Variants in DHX30 observed in about 807,000 individuals in gnomAD.
DHX30 encodes DExH-box helicase 30, also known as ATP-dependent RNA helicase DHX30.
A neutral mutation model predicts 116.9 loss-of-function variants in DHX30; 4 were observed. The observed-to-expected ratio is 0.03, with a 90% CI of 0.02 to 0.08. The LOEUF is 0.08. Among genes scored for constraint, DHX30 ranks in the 10% least tolerant of loss-of-function variants. The pLI is 1.00. For missense variants in DHX30, 871 were observed against 1,595.1 expected (o/e 0.55, Z 7.73); for synonymous variants, 697 against 651.7 (o/e 1.07, Z -1.06).
chr3:47,828,208 C>T (rs1395099254), intron 5 of DHX30, among the ~76,000 whole-genome samples: 1 of 151,738 alleles, frequency 6.6e-6, no homozygotes, highest in Admixed American at 6.6e-5. Context: ...GCCTGTAATC[C>T]CAGCACTTTA....
chr3:47,813,322 A>G (rs2035887184), intron 3 of DHX30, among the ~76,000 whole-genome samples: 1 of 152,162 alleles, frequency 6.6e-6, no homozygotes, highest in Non-Finnish European at 1.5e-5. Context: ...CCTGGGCGAA[A>G]CAGCGAGACT....
intron 6 of DHX30, among the ~76,000 whole-genome samples, chr3:47,838,254 A>G (rs1044992942): frequency 3.3e-5 from 5 of 152,182 alleles, no homozygotes; most frequent in African/African-American, 1.2e-4. Flanking sequence ...TCACGCGTCT[A>G]TTCTTAATAG....
intron 6 of DHX30, among the ~76,000 whole-genome samples, chr3:47,832,257 C>T (rs1246632836): frequency 6.6e-6 from 1 of 152,038 alleles, no homozygotes; most frequent in Non-Finnish European, 1.5e-5. Flanking sequence ...TTGGCACTGC[C>T]ATGCATTTCG....
In DHX30 at chr3:47,804,325, C is replaced by T. The variant is rs567901805; in HGVS notation, c.-122-1001C>T. 8.5e-5 allele frequency among the ~76,000 whole-genome samples: 13 copies of T among 152,240 alleles called. No individual in the cohort carries two copies. The South Asian group carries it at 1.9e-3, about 22-fold the overall frequency. On this transcript the variant is annotated intron_variant, in intron 1 of 21. Coordinates refer to ENST00000445061, the MANE Select transcript of DHX30 (RefSeq NM_138615.3). Reference sequence around the variant, plus strand: ...ATCCCAGCACTTTGGGAGGCCGAGGCGGGTGGATCACCTGAGGTCAGAAGT... The same window carrying T: ...ATCCCAGCACTTTGGGAGGCCGAGGTGGGTGGATCACCTGAGGTCAGAAGT...
intron 6 of DHX30, among the ~76,000 whole-genome samples, chr3:47,832,963 C>G (rs930566087): frequency 1.3e-5 from 1 of 77,356 alleles, no homozygotes; most frequent in East Asian, 3.7e-4. Context: ...TTTTTTTTTT[C>G]CTGTAGAGAT....
At position 47,809,234 on chromosome 3, in the gene DHX30, C is replaced by CTTTTTTTT. The variant is rs71070231; in HGVS notation, c.-27-1405_-27-1398dup. ...AGAAGGTGTCTATGGAATGTAACTT[C>CTTTTTTTT]TTTTTTTTTTTTTTTTTTTTTTTTT... On this transcript the variant is annotated intron_variant, in intron 2 of 21. Transcript: ENST00000445061. 5.4e-4 allele frequency among the ~76,000 whole-genome samples: 34 copies of CTTTTTTTT among 63,530 alleles called. 3 individuals carry two copies. The highest frequency in any genetic ancestry group is 6.0e-4 in the Non-Finnish European group (24 of 39,876). The allele number at this position is 63,530 out of a possible 152,430, so 41.7% of individuals were successfully genotyped here. A position where few individuals can be genotyped will look rare whatever the true frequency, so the allele number is the denominator to read the frequency against.
chr3:47,841,809 G>T (rs1389229131), intron 8 of DHX30, 72 bp downstream of exon 8: 1 of 1,607,484 alleles, frequency 6.2e-7, no homozygotes, highest in Non-Finnish European at 8.5e-7. Context: ...CTAAAGGCAG[G>T]TTTAGAGAGG....
Position 47,847,622 on chromosome 3 carries a change from G to A in DHX30, c.2110+86G>A, listed in dbSNP as rs1236964361. On this transcript the variant is annotated intron_variant, in intron 13 of 21. Transcript: ENST00000445061. The surrounding 1 kb of genome is among the most constrained non-coding windows in gnomAD (Gnocchi z 5.5). ...GACTGACCCAACTGGGACTCCAGGG[G>A]CCCCGGTTTCTGACCAAGCTGTGGC... 7.5e-6 allele frequency: 11 copies of A among 1,465,608 alleles called. No individual in the cohort carries two copies. Among genetic ancestry groups the A allele is most frequent in the African/African-American group, 1.4e-5 (1 of 70,744 alleles). The allele number at this position is 1,465,608 out of a possible 1,614,324, so 90.8% of individuals were successfully genotyped here. A position where few individuals can be genotyped will look rare whatever the true frequency, so the allele number is the denominator to read the frequency against.
intron 9 of DHX30, 51 bp from the exon 10 acceptor site, chr3:47,845,649 G>T: frequency 1.4e-6 from 2 of 1,465,702 alleles, no homozygotes; most frequent in Non-Finnish European, 9.1e-7. Flanking sequence ...GTCTGGGCTG[G>T]TTTTTGGGGA....
intron 3 of DHX30, chr3:47,816,098 G>T (rs1048135490): frequency 1.0e-6 from 1 of 985,096 alleles, no homozygotes; most frequent in Non-Finnish European, 1.2e-6. Context: ...AGTTCTAGAA[G>T]ATCCTACAAG....
chr3:47,818,717 C>T (rs2036164137), intron 4 of DHX30, among the ~76,000 whole-genome samples: 1 of 152,154 alleles, frequency 6.6e-6, no homozygotes, highest in South Asian at 2.1e-4. Context: ...AGGGATGGCG[C>T]CAGGGATAGG....
At chr3:47,825,171 C>T in intron 4 of DHX30, 1 of 666,204 alleles carries the variant, frequency 1.5e-6, no homozygotes, top group Non-Finnish European at 2.7e-6. Flanking sequence ...ACCCCGACCA[C>T]ACCAAGGAAG....
chr3:47,830,178 G>A (rs192068311), intron 6 of DHX30, among the ~76,000 whole-genome samples: 396 of 150,076 alleles, frequency 2.6e-3, no homozygotes, highest in Non-Finnish European at 4.1e-3. Flanking sequence ...GGCCAGGCAC[G>A]GTGGCTCACG....
At chr3:47,816,262 A>T in intron 3 of DHX30, 1 of 985,404 alleles carries the variant, frequency 1.0e-6, no homozygotes, top group Non-Finnish European at 1.2e-6. Flanking sequence ...AAATATGACA[A>T]AAAACAATTA....
Position 47,847,089 on chromosome 3 carries a change from G to C in DHX30, c.1929+88G>C, listed in dbSNP as rs1350722412. Reference sequence around the variant, plus strand: ...CTGGCCCTGGGGCTTGGTGCCTGGGGCAAGTTACCCTCCCCAGTCCTCGGT... The same window carrying C: ...CTGGCCCTGGGGCTTGGTGCCTGGGCCAAGTTACCCTCCCCAGTCCTCGGT... On this transcript the variant is annotated intron_variant, in intron 11 of 21. Coordinates refer to ENST00000445061, the MANE Select transcript of DHX30 (RefSeq NM_138615.3). The surrounding 1 kb of genome is among the most constrained non-coding windows in gnomAD (Gnocchi z 5.5). 6 of 1,526,966 alleles carry C rather than the reference G, an allele frequency of 3.9e-6. No homozygotes were observed. The East Asian group carries it at 1.1e-4, about 29-fold the overall frequency. 94.6% of individuals were successfully genotyped at this position (1,526,966 alleles called of 1,614,324 possible). A position where few individuals can be genotyped will look rare whatever the true frequency, so the allele number is the denominator to read the frequency against.
chr3:47,836,835 T>C (rs1054266151), intron 6 of DHX30, among the ~76,000 whole-genome samples: 1 of 152,140 alleles, frequency 6.6e-6, no homozygotes, highest in Admixed American at 6.6e-5. Context: ...TTTTTGATCA[T>C]AGCGATCCTA....
intron 6 of DHX30, among the ~76,000 whole-genome samples, chr3:47,840,413 G>A (rs1189256715): frequency 6.6e-6 from 1 of 151,868 alleles, no homozygotes; most frequent in Middle Eastern, 3.4e-3. Flanking sequence ...GGGAGGCCAA[G>A]GCGGGCGGAT....
At chr3:47,815,133 G>A (rs1464433323) in intron 3 of DHX30, among the ~76,000 whole-genome samples, 1 of 152,102 alleles carries the variant, frequency 6.6e-6, no homozygotes, top group Non-Finnish European at 1.5e-5. Context: ...TGAGGTTCCC[G>A]AGTTTCATTG....
intron 2 of DHX30, 73 bp from the exon 3 acceptor site, chr3:47,810,583 GT>G (rs1357541489): frequency 4.1e-5 from 50 of 1,206,416 alleles, no homozygotes; most frequent in Non-Finnish European, 5.7e-5. Flanking sequence ...TGCTCTCCAT[GT>G]TACTGAAGTC....
Sources: allele counts gnomAD v4.1 joint callset (sites outside exome capture counted in the v4.1 genomes callset), GRCh38; gene constraint gnomAD v4.1.1; non-coding constraint Gnocchi (gnomAD v3.1); transcripts MANE v1.5; gene names NCBI Gene and HGNC (gene_info 2026-07-23, HGNC 2026-07-21).